The following KIF13B variants were observed in gnomAD, a reference collection of about 807,000 sequenced individuals.
The protein encoded by KIF13B is kinesin family member 13B, also known as kinesin-like protein KIF13B.
In KIF13B, 127 loss-of-function variants were observed where a neutral mutation model predicts 222.0. The ratio of observed to expected loss-of-function variants is 0.57; its 90% CI spans 0.50 to 0.66. KIF13B has a LOEUF of 0.66. KIF13B is among the 30% of genes least tolerant of loss of function. The pLI is 0.00. For missense variants in KIF13B, 2,173 were observed against 2,379.0 expected, an observed-to-expected ratio of 0.91 and a Z score of 1.80; for synonymous variants, 976 against 919.0, an observed-to-expected ratio of 1.06 and a Z score of -1.12.
intron 13 of KIF13B, 73 bp from the exon 14 acceptor site, chr8:29,155,929 C>G: frequency 8.1e-7 from 1 of 1,239,516 alleles, no homozygotes. Flanking sequence ...TTACACTGAG[C>G]CCTCTTATAT....
intron 6 of KIF13B, among the ~76,000 whole-genome samples, chr8:29,184,205 G>A (rs529373426): frequency 1.3e-5 from 2 of 151,284 alleles, no homozygotes; most frequent in Admixed American, 6.6e-5. Flanking sequence ...TATACTAGAT[G>A]CTGAATTAAT....
chr8:29,253,828 C>CAAA (rs1163069689), intron 1 of KIF13B, among the ~76,000 whole-genome samples: 13 of 21,554 alleles, frequency 6.0e-4, no homozygotes, highest in African/African-American at 1.5e-3. Context: ...GAGACTGTCT[C>CAAA]AAAAAAAAAA....
intron 2 of KIF13B, among the ~76,000 whole-genome samples, chr8:29,216,981 C>T (rs1310883977): frequency 6.6e-6 from 1 of 152,010 alleles, no homozygotes; most frequent in East Asian, 1.9e-4. Flanking sequence ...AAAACTTTGT[C>T]TTAAGTGCAC....
intron 2 of KIF13B, among the ~76,000 whole-genome samples, chr8:29,238,564 T>A (rs1329731856): frequency 6.6e-6 from 1 of 152,228 alleles, no homozygotes; most frequent in Non-Finnish European, 1.5e-5. Context: ...AGTCTTCCCA[T>A]TAGACTGGCA....
intron 14 of KIF13B, among the ~76,000 whole-genome samples, chr8:29,153,135 T>C (rs1287137056): frequency 6.6e-6 from 1 of 152,202 alleles, no homozygotes; most frequent in African/African-American, 2.4e-5. Flanking sequence ...TGGTATGAAG[T>C]ATTAGAGATC....
At chr8:29,240,266 C>A (rs2130628755) in intron 2 of KIF13B, among the ~76,000 whole-genome samples, 1 of 148,422 alleles carries the variant, frequency 6.7e-6, no homozygotes, top group African/African-American at 2.5e-5. Flanking sequence ...AAACAACTTA[C>A]AGATATGCTT....
chr8:29,197,112 C>A (rs937226564), intron 2 of KIF13B, among the ~76,000 whole-genome samples: 17 of 151,476 alleles, frequency 1.1e-4, no homozygotes, highest in Admixed American at 9.9e-4. Context: ...CCGAGGCGGG[C>A]GGATCACGAG....
intron 2 of KIF13B, among the ~76,000 whole-genome samples, chr8:29,221,292 G>A (rs965268487): frequency 5.3e-5 from 8 of 151,464 alleles, no homozygotes; most frequent in Non-Finnish European, 8.8e-5. Context: ...TAGTGGAGGC[G>A]GGGTTTTGCC....
chr8:29,180,083 G>A (rs367564533), intron 8 of KIF13B, 21 bp downstream of exon 8: 12 of 1,612,454 alleles, frequency 7.4e-6, no homozygotes, highest in Admixed American at 6.7e-5. Flanking sequence ...ATAAAAACAG[G>A]TCATGCATCT....
At chr8:29,240,273 GC>G (rs983872313) in intron 2 of KIF13B, among the ~76,000 whole-genome samples, 3 of 149,426 alleles carry the variant, frequency 2.0e-5, no homozygotes, top group African/African-American at 7.4e-5. Flanking sequence ...TTACAGATAT[GC>G]TTAAAAAAAG....
intron 2 of KIF13B, among the ~76,000 whole-genome samples, chr8:29,213,751 C>T (rs908074090): frequency 2.0e-5 from 3 of 151,632 alleles, no homozygotes; most frequent in African/African-American, 4.9e-5. Context: ...GAGTTCGAAA[C>T]GAGCCTGGCC....
At chr8:29,209,209 G>A (rs1196513096) in intron 2 of KIF13B, among the ~76,000 whole-genome samples, 1 of 152,192 alleles carries the variant, frequency 6.6e-6, no homozygotes, top group Admixed American at 6.5e-5. Context: ...CAGATGAGAG[G>A]CACCACTGGG....
At chr8:29,214,341 A>G (rs1271407566) in intron 2 of KIF13B, among the ~76,000 whole-genome samples, 3 of 152,244 alleles carry the variant, frequency 2.0e-5, no homozygotes, top group Non-Finnish European at 2.9e-5. Flanking sequence ...TTCTTTCTTT[A>G]TATCCTTATT....
chr8:29,152,298 G>C (rs1811332850), intron 14 of KIF13B, among the ~76,000 whole-genome samples: 1 of 152,180 alleles, frequency 6.6e-6, no homozygotes, highest in Non-Finnish European at 1.5e-5. Context: ...GAATATTCCA[G>C]AAACTTAGTT....
At chr8:29,207,413 C>T (rs1462460354) in intron 2 of KIF13B, among the ~76,000 whole-genome samples, 2 of 152,212 alleles carry the variant, frequency 1.3e-5, no homozygotes, top group African/African-American at 4.8e-5. Context: ...ATTGCCCTCT[C>T]TGTGACTGCG....
At chr8:29,186,656 G>T (rs928002821) in intron 5 of KIF13B, among the ~76,000 whole-genome samples, 184 bp from the exon 6 acceptor site, 2 of 152,124 alleles carry the variant, frequency 1.3e-5, no homozygotes, top group Admixed American at 6.6e-5. Context: ...AAAAGCAAAT[G>T]TCCTTTAGAA....
At chr8:29,197,540 A>T (rs2130389942) in intron 2 of KIF13B, among the ~76,000 whole-genome samples, 1 of 152,126 alleles carries the variant, frequency 6.6e-6, no homozygotes, top group East Asian at 1.9e-4. Context: ...AAATACACAC[A>T]TACACATATA....
chr8:29,244,106 C>A (rs1207043441), intron 2 of KIF13B, among the ~76,000 whole-genome samples: 2 of 151,724 alleles, frequency 1.3e-5, no homozygotes, highest in Non-Finnish European at 2.9e-5. Flanking sequence ...CTCTGCCTCC[C>A]AGGTTCACGC....
In KIF13B at chr8:29,146,400, G is replaced by A. The variant is rs1202956051; in HGVS notation, c.2165C>T (p.Ser722Phe). Residue 722 changes from serine (S) to phenylalanine (F), a missense_variant, in exon 18 of 40, where the codon TCC becomes TTC. Ser to Phe is a radical substitution (Grantham distance 155). This residue lies in a region of KIF13B where 1,480 missense variants were observed against 1,722.8 expected (regional missense o/e 0.86). Coordinates refer to ENST00000524189, the MANE Select transcript of KIF13B (RefSeq NM_015254.4). ...EYKVTLQIPASSLDANRKRGS... is the reference protein window; with the variant it reads ...EYKVTLQIPAFSLDANRKRGS... ...CACCTTCCTGTTGGCATCCAGGCTG[G>A]AGGCTGGAATCTGTAGGGTAACTTT... The A allele has an allele frequency of 6.2e-7, 1 of 1,613,842 alleles. No individual in the cohort carries two copies. Among genetic ancestry groups the A allele is most frequent in the Admixed American group, 1.7e-5 (1 of 60,012 alleles).
Sources: allele counts gnomAD v4.1 joint callset (sites outside exome capture counted in the v4.1 genomes callset), GRCh38; gene constraint gnomAD v4.1.1; regional missense constraint gnomAD v4.1.1; transcripts MANE v1.5; gene names NCBI Gene and HGNC (gene_info 2026-07-23, HGNC 2026-07-21).